PHF14: variants seen among roughly 807,000 people sequenced by gnomAD.
The protein encoded by PHF14 is PHD finger protein 14.
PHF14 carries 55 observed loss-of-function variants against 117.9 expected under a neutral mutation model. The ratio of observed to expected loss-of-function variants is 0.47; its 90% confidence interval spans 0.38 to 0.58. PHF14 has a LOEUF of 0.58. Among genes scored for constraint, PHF14 ranks in the 20% least tolerant of loss-of-function variants. The pLI, the probability that PHF14 is intolerant of heterozygous loss-of-function variation, is 0.00. For missense variants in PHF14, 978 were observed against 1,122.2 expected, an observed-to-expected ratio of 0.87 and a Z score of 1.84; for synonymous variants, 409 against 368.6, an observed-to-expected ratio of 1.11 and a Z score of -1.26.
chr7:11,008,602 C>T (rs529927282), intron 4 of PHF14, among the ~76,000 whole-genome samples: 1 of 152,226 alleles, frequency 6.6e-6, no homozygotes, highest in East Asian at 1.9e-4. Flanking sequence ...TCCCCCTGTC[C>T]CATCCATGGA....
chr7:11,095,671 T>A (rs1358999550), intron 16 of PHF14, among the ~76,000 whole-genome samples: 1 of 152,226 alleles, frequency 6.6e-6, no homozygotes, highest in African/African-American at 2.4e-5. Flanking sequence ...ATTCATTATC[T>A]ACTAAATTGG....
At chr7:11,002,458 GA>G (rs1782910384) in intron 4 of PHF14, among the ~76,000 whole-genome samples, 1 of 55,964 alleles carries the variant, frequency 1.8e-5, no homozygotes, top group Non-Finnish European at 6.7e-5. Context: ...TTATTTTTGA[GA>G]CGGAGTTTTG....
intron 17 of PHF14, among the ~76,000 whole-genome samples, chr7:11,147,014 T>C (rs1484249755): frequency 6.6e-6 from 1 of 151,984 alleles, no homozygotes; most frequent in Non-Finnish European, 1.5e-5. Context: ...ACCTGGCTAA[T>C]TTTGTATTTT....
At chr7:11,125,545 A>G (rs1248752235) in intron 17 of PHF14, among the ~76,000 whole-genome samples, 2 of 152,100 alleles carry the variant, frequency 1.3e-5, no homozygotes, top group Non-Finnish European at 1.5e-5. Context: ...ATTATTAAAC[A>G]AGGAGTACAA....
intron 16 of PHF14, chr7:11,105,338 A>T (rs1787222539): frequency 1.1e-6 from 1 of 943,254 alleles, no homozygotes; most frequent in Admixed American, 6.2e-5. Context: ...TTTACACTCC[A>T]TTCTATTTCC....
chr7:10,986,613 T>C (rs1049758529), intron 3 of PHF14, among the ~76,000 whole-genome samples: 1 of 152,218 alleles, frequency 6.6e-6, no homozygotes, highest in African/African-American at 2.4e-5. Context: ...GTCAATAACC[T>C]TATGGCATTT....
intron 4 of PHF14, among the ~76,000 whole-genome samples, chr7:11,013,455 C>T (rs1783422776): frequency 1.3e-5 from 2 of 152,132 alleles, no homozygotes; most frequent in Non-Finnish European, 2.9e-5. Flanking sequence ...AGCCACTGCA[C>T]CCAGCCTAAT....
rs142239672 is a variant in PHF14, at chr7:11,065,113, T to G, written c.2654+3028T>G. Among the ~76,000 whole-genome samples, 602 of 152,206 alleles carry G rather than the reference T, an allele frequency of 4.0e-3. 4 individuals are homozygous for G. The highest frequency in any genetic ancestry group is 0.014 in the African/African-American group (579 of 41,562). The stretch of plus-strand genomic sequence containing the variant: ...AGGAAATTTGTCATTACATGTTTTC[T>G]AAAATGATTAGATTGAAGGTTTACA... On this transcript the variant is annotated intron_variant, in intron 16 of 17. Transcript: ENST00000634607.
intron 17 of PHF14, among the ~76,000 whole-genome samples, chr7:11,125,210 CTCAG>C (rs1485402162): frequency 2.6e-5 from 4 of 151,900 alleles, no homozygotes; most frequent in Non-Finnish European, 5.9e-5. Context: ...TGTATTTTAC[CTCAG>C]TCAAATCTTA....
chr7:11,111,263 C>CA, intron 16 of PHF14, 87 bp from the exon 17 acceptor site: 1 of 597,486 alleles, frequency 1.7e-6, no homozygotes, highest in Non-Finnish European at 3.0e-6. Context: ...TTGAAATATA[C>CA]AATAGTTTGT....
chr7:11,127,974 C>T (rs1469829449), intron 17 of PHF14, among the ~76,000 whole-genome samples: 1 of 151,978 alleles, frequency 6.6e-6, no homozygotes, highest in African/African-American at 2.4e-5. Context: ...ACCTCCAGGC[C>T]ACCATTTACT....
In PHF14 at chr7:10,990,738, C is replaced by T; in HGVS notation, c.936C>T (p.Ser312=). 2 of 1,560,484 alleles carry T rather than the reference C, an allele frequency of 1.3e-6. No individual in the cohort carries two copies. Among genetic ancestry groups the T allele is most frequent in the African/African-American group, 1.4e-5 (1 of 73,698 alleles). ...TTCTTGAGAAGAGTCAAAACTGGAG[C>T]TCTCAAAAAATGGACCATATTCTGA... ...SLILEKSQNW[S]SQKMDHILIC... Residue 312 remains serine, a synonymous_variant, in exon 4 of 18, where the codon AGC becomes AGT. Transcript: ENST00000634607.
chr7:11,100,517 TAA>T (rs1361681646), intron 16 of PHF14, among the ~76,000 whole-genome samples: 11 of 151,588 alleles, frequency 7.3e-5, no homozygotes, highest in African/African-American at 2.7e-4. Context: ...TTATGTAAAT[TAA>T]GTTATGTATT....
chr7:11,035,268 C>A (rs1784281951), intron 7 of PHF14, among the ~76,000 whole-genome samples: 1 of 152,104 alleles, frequency 6.6e-6, no homozygotes, highest in African/African-American at 2.4e-5. Flanking sequence ...AAATACCACA[C>A]CATTTAACAT....
chr7:11,055,267 C>T (rs953052053), intron 14 of PHF14, among the ~76,000 whole-genome samples: 2 of 152,124 alleles, frequency 1.3e-5, no homozygotes, highest in Non-Finnish European at 2.9e-5. Flanking sequence ...GGTGTTTATA[C>T]TTGTGGACAT....
At chr7:10,982,259 T>C (rs1182307622) in intron 2 of PHF14, 113 bp from the exon 3 acceptor site, 1 of 623,314 alleles carries the variant, frequency 1.6e-6, no homozygotes, top group African/African-American at 1.9e-5. Flanking sequence ...TTTGTTTATA[T>C]TGTTTTGCAA....
At chr7:11,065,690 C>T (rs1401176339) in intron 16 of PHF14, among the ~76,000 whole-genome samples, 1 of 152,094 alleles carries the variant, frequency 6.6e-6, no homozygotes, top group African/African-American at 2.4e-5. Context: ...GAAGTGATTC[C>T]TCTCCTTGAG....
chr7:11,101,519 A>G (rs149775353), intron 16 of PHF14, among the ~76,000 whole-genome samples: 1 of 151,828 alleles, frequency 6.6e-6, no homozygotes, highest in Non-Finnish European at 1.5e-5. Flanking sequence ...ATTGACCTCT[A>G]TTATTTCTTA....
intron 16 of PHF14, chr7:11,102,486 A>T: frequency 6.2e-7 from 1 of 1,609,002 alleles, no homozygotes. Context: ...TACTGTGTAG[A>T]TACCCTTCAT....
Sources: gnomAD v4.1 joint callset for allele counts (sites outside exome capture counted in the v4.1 genomes callset) on GRCh38, gnomAD v4.1.1 for gene constraint, MANE v1.5 for transcripts, NCBI Gene and HGNC (gene_info 2026-07-23, HGNC 2026-07-21) for gene names.